NID1: variants seen among roughly 807,000 people sequenced by gnomAD.
The protein encoded by NID1 is nidogen-1.
In NID1, 76 loss-of-function variants were observed where a neutral mutation model predicts 130.6. The ratio of observed to expected loss-of-function variants is 0.58; its 90% confidence interval spans 0.48 to 0.70. The LOEUF (loss-of-function observed/expected upper bound fraction) is 0.70. Among genes scored for constraint, NID1 ranks in the 30% least tolerant of loss-of-function variants. NID1 has a pLI of 0.00. For missense variants in NID1, 1,517 were observed against 1,664.8 expected (o/e 0.91, Z 1.54); for synonymous variants, 665 against 675.1 (o/e 0.98, Z 0.23).
chr1:235,991,349 T>C (rs1572580483), intron 13 of NID1, among the ~76,000 whole-genome samples: 1 of 151,790 alleles, frequency 6.6e-6, no homozygotes, highest in South Asian at 2.1e-4. Context: ...CCTCTTTTTT[T>C]TGAGACGGAG....
intron 5 of NID1, among the ~76,000 whole-genome samples, chr1:236,035,841 A>G (rs540535181): frequency 4.6e-5 from 7 of 152,362 alleles, no homozygotes; most frequent in Admixed American, 4.6e-4. Context: ...TTAGCTGGCC[A>G]ACAGCGCAAA....
intron 2 of NID1, 108 bp downstream of exon 2, chr1:236,048,582 C>G: frequency 7.9e-7 from 1 of 1,263,792 alleles, no homozygotes; most frequent in East Asian, 2.5e-5. Flanking sequence ...GATTTCCTGT[C>G]TTTATCAATG....
rs145172518 is a variant in NID1, at chr1:236,048,603, T to C, written c.525+87A>G. The C allele has an allele frequency of 1.8e-3, 2,609 of 1,417,680 alleles. 4 individuals carry two copies. Among genetic ancestry groups the C allele is most frequent in the Non-Finnish European group, 2.2e-3 (2,355 of 1,054,240 alleles). 87.8% of individuals were successfully genotyped at this position (1,417,680 alleles called of 1,614,324 possible). A position where few individuals can be genotyped will look rare whatever the true frequency, so the allele number is the denominator to read the frequency against. ...CTGTCTTTATCAATGGTGTATAACT[T>C]ATGTCAAAGCAGCACAAGGCGTGAG... On this transcript the variant is annotated intron_variant, in intron 2 of 19. Transcript: ENST00000264187.
chr1:235,992,177 T>C (rs1194871634), intron 13 of NID1, among the ~76,000 whole-genome samples: 1 of 152,186 alleles, frequency 6.6e-6, no homozygotes, highest in African/African-American at 2.4e-5. Context: ...CAGAGCCTGG[T>C]CTCCTGCTCT....
At chr1:236,041,652 T>C (rs1659454634) in intron 4 of NID1, among the ~76,000 whole-genome samples, 1 of 152,144 alleles carries the variant, frequency 6.6e-6, no homozygotes, top group Non-Finnish European at 1.5e-5. Context: ...AACGGAATAC[T>C]AGGAAACTTG....
intron 15 of NID1, 56 bp downstream of exon 15, chr1:235,985,323 C>A (rs1287054682): frequency 5.0e-6 from 8 of 1,604,580 alleles, no homozygotes; most frequent in Middle Eastern, 1.7e-4. Context: ...GCATACATGG[C>A]CACTTTGGCT....
At chr1:236,025,430 T>A (rs1278315980) in intron 8 of NID1, among the ~76,000 whole-genome samples, 1 of 151,576 alleles carries the variant, frequency 6.6e-6, no homozygotes, top group African/African-American at 2.4e-5. Context: ...CCTGGCTAAT[T>A]TTTGTATTTT....
At chr1:235,987,791 T>A (rs1263598783) in intron 14 of NID1, among the ~76,000 whole-genome samples, 1 of 152,188 alleles carries the variant, frequency 6.6e-6, no homozygotes, top group Admixed American at 6.5e-5. Context: ...ACCAGGATGA[T>A]CTTTTACTGG....
chr1:236,029,605 G>A lies in NID1; in HGVS notation c.1683C>T (p.Phe561=), dbSNP rs554596959. 20 of 1,597,698 alleles carry A rather than the reference G, an allele frequency of 1.3e-5. No individual in the cohort carries two copies. The highest frequency in any genetic ancestry group is 4.5e-5 in the South Asian group (4 of 88,706). The change falls in exon 7 of 20, where the codon TTC becomes TTT. Residue 561 remains phenylalanine, a synonymous_variant. Transcript: ENST00000264187. ...AGGGCTCAATGTGCACGGAGGAGCC[G>A]AACGGAATCTGCGGCACGCGGCCCT... ...ELEGRVPQIP[F]GSSVHIEPYT...
intron 1 of NID1, among the ~76,000 whole-genome samples, chr1:236,054,889 G>A (rs1659855468): frequency 6.6e-6 from 1 of 152,104 alleles, no homozygotes; most frequent in South Asian, 2.1e-4. Flanking sequence ...CTATCCGCCC[G>A]CCTCAGCCTC....
intron 12 of NID1, among the ~76,000 whole-genome samples, chr1:236,010,118 A>G (rs1005204705): frequency 6.6e-6 from 1 of 152,178 alleles, no homozygotes; most frequent in Non-Finnish European, 1.5e-5. Flanking sequence ...TGTTAATAGT[A>G]GCTGGAATGT....
At chr1:236,022,141 C>CT (rs1197633580) in intron 9 of NID1, among the ~76,000 whole-genome samples, 1 of 152,038 alleles carries the variant, frequency 6.6e-6, no homozygotes, top group Non-Finnish European at 1.5e-5. Context: ...TGGTGGCACA[C>CT]TTGTAGTCCC....
intron 12 of NID1, among the ~76,000 whole-genome samples, chr1:235,996,968 G>A (rs1392332331): frequency 3.9e-5 from 6 of 152,174 alleles, no homozygotes; most frequent in African/African-American, 7.2e-5. Flanking sequence ...CCGAGTAGCC[G>A]GGATTACAGA....
At chr1:235,981,933 G>C in intron 15 of NID1, 151 bp from the exon 16 acceptor site, 1 of 709,894 alleles carries the variant, frequency 1.4e-6, no homozygotes, top group South Asian at 2.0e-5. Context: ...TTGTTTATAA[G>C]ATAAACAACA....
rs138536045 is a variant in NID1, at chr1:236,042,196, A to T, written c.849T>A (p.Thr283=). The T allele has an allele frequency of 9.7e-5, 156 of 1,613,784 alleles. 1 individual carries two copies. In the East Asian group the frequency reaches 1.2e-3, roughly 13 times the overall value. ...GVVPADVILG[T]EDGAEYDDED... ...CATCATCATACTCTGCCCCATCTTC[A>T]GTTCCGAGGATCACGTCTGCAGGCA... Residue 283 remains threonine, a synonymous_variant, in exon 4 of 20, where the codon ACT becomes ACA. Transcript: ENST00000264187.
chr1:236,053,569 C>T (rs1659820463), intron 1 of NID1, among the ~76,000 whole-genome samples: 1 of 152,128 alleles, frequency 6.6e-6, no homozygotes, highest in Admixed American at 6.6e-5. Context: ...GAAGCTCCTT[C>T]CACTCACTCT....
intron 15 of NID1, among the ~76,000 whole-genome samples, chr1:235,983,281 C>T (rs987964522): frequency 1.1e-4 from 16 of 152,224 alleles, no homozygotes; most frequent in Admixed American, 8.5e-4. Context: ...ATGCTGGACA[C>T]ATCAGAGCCC....
chr1:235,991,058 C>T lies in NID1; in HGVS notation c.2756G>A (p.Cys919Tyr), dbSNP rs1329214511. Reference sequence around the variant, plus strand: ...AATCGGGGGAGCCACTGTACTCAGACCTGCATGGCAGAGGGGGTCAGTGAG... The same window carrying T: ...AATCGGGGGAGCCACTGTACTCAGATCTGCATGGCAGAGGGGGTCAGTGAG... ...TRTRPGMTPP[C>Y]LSTVAPPIHQ... The change falls in exon 14 of 20, where the codon TGT becomes TAT. Residue 919 changes from cysteine to tyrosine, a missense_variant and splice_region_variant. Physicochemically the swap from Cys to Tyr is radical, Grantham distance 194. Coordinates refer to ENST00000264187, the MANE Select transcript of NID1 (RefSeq NM_002508.3). 3 of 1,582,014 alleles carry T rather than the reference C, an allele frequency of 1.9e-6. No individual in the cohort carries two copies. The highest frequency in any genetic ancestry group is 1.7e-4 in the Middle Eastern group (1 of 5,752).
chr1:236,056,963 T>C (rs1436637452), intron 1 of NID1, among the ~76,000 whole-genome samples: 1 of 152,108 alleles, frequency 6.6e-6, no homozygotes, highest in Non-Finnish European at 1.5e-5. Flanking sequence ...GTTCACTACA[T>C]TTGTACTAGT....
Sources: allele counts gnomAD v4.1 joint callset (sites outside exome capture counted in the v4.1 genomes callset), GRCh38; gene constraint gnomAD v4.1.1; transcripts MANE v1.5; gene names NCBI Gene and HGNC (gene_info 2026-07-23, HGNC 2026-07-21).